MGAT4C: variants seen among roughly 807,000 people sequenced by gnomAD.
MGAT4C encodes the protein MGAT4 family member C, also known as alpha-1,3-mannosyl-glycoprotein 4-beta-N-acetylglucosaminyltransferase C.
A neutral mutation model predicts 40.1 loss-of-function variants in MGAT4C; 19 were observed. That is an observed-to-expected ratio of 0.47 (90% CI 0.33 to 0.70). The LOEUF (loss-of-function observed/expected upper bound fraction) is 0.70. MGAT4C is among the 30% of genes least tolerant of loss of function. MGAT4C has a pLI of 0.02. For synonymous variants in MGAT4C, 181 were observed against 187.1 expected (o/e 0.97, Z 0.27); for missense variants, 491 against 563.2 (o/e 0.87, Z 1.30).
At chr12:86,191,751 G>GGGGTGTGTGTGTGTGTGTGT (rs1555243731) in intron 1 of MGAT4C, among the ~76,000 whole-genome samples, 4 of 98,572 alleles carry the variant, frequency 4.1e-5, no homozygotes, top group African/African-American at 1.5e-4. Context: ...AGGAGATAAA[G>GGGGTGTGTGTGTGTGTGTGT]GTGTGTGTGT....
intron 2 of MGAT4C, among the ~76,000 whole-genome samples, chr12:86,042,511 G>A (rs1410674951): frequency 1.3e-5 from 2 of 152,056 alleles, no homozygotes; most frequent in Non-Finnish European, 2.9e-5. Flanking sequence ...CTGATGCAAG[G>A]AATTCCCATA....
chr12:86,254,723 T>A (rs1952444603), intron 1 of MGAT4C, among the ~76,000 whole-genome samples: 1 of 152,086 alleles, frequency 6.6e-6, no homozygotes, highest in South Asian at 2.1e-4. Flanking sequence ...ACTTAAATTT[T>A]TCTCAGCAAA....
intron 1 of MGAT4C, among the ~76,000 whole-genome samples, chr12:86,743,905 T>C (rs1951112600): frequency 6.6e-6 from 1 of 151,606 alleles, no homozygotes. Flanking sequence ...TGAACGTTGG[T>C]ATCAGCAGGA....
At chr12:86,414,584 C>T (rs1278491999) in intron 3 of MGAT4C, among the ~76,000 whole-genome samples, 3 of 89,402 alleles carry the variant, frequency 3.4e-5, no homozygotes, top group Non-Finnish European at 6.7e-5. Context: ...TGTTTTAAAA[C>T]AATCGTTAGT....
intron 3 of MGAT4C, among the ~76,000 whole-genome samples, chr12:86,410,461 T>C (rs1176388378): frequency 1.3e-5 from 2 of 152,098 alleles, no homozygotes; most frequent in Non-Finnish European, 2.9e-5. Context: ...CTCTCTGCAA[T>C]AAGAAAAAAT....
intron 1 of MGAT4C, among the ~76,000 whole-genome samples, chr12:86,784,669 A>T (rs1951900589): frequency 6.8e-6 from 1 of 146,500 alleles, no homozygotes. Context: ...TAGGTAAAAG[A>T]AAAAAAAAAA....
chr12:86,095,691 T>C (rs1449199621), intron 1 of MGAT4C, among the ~76,000 whole-genome samples: 1 of 151,726 alleles, frequency 6.6e-6, no homozygotes, highest in African/African-American at 2.4e-5. Context: ...AACTTCTTTT[T>C]ACTACTTCTC....
In MGAT4C at chr12:86,582,935, C is replaced by A. The variant is rs1373072768; in HGVS notation, c.-229+144274G>T. Among the ~76,000 whole-genome samples, 3 of 151,064 alleles carry A rather than the reference C, an allele frequency of 2.0e-5. No homozygotes were observed. The Admixed American group carries it at 2.0e-4, about 10-fold the overall frequency. On this transcript the variant is annotated intron_variant, in intron 2 of 7. Transcript: ENST00000548651. ...TATAATTTTCTTACAGTAAAGACTACATAAATAAATAAAACATCACTACTT... is the reference window on the plus strand; with the variant it reads ...TATAATTTTCTTACAGTAAAGACTAAATAAATAAATAAAACATCACTACTT...
intron 1 of MGAT4C, among the ~76,000 whole-genome samples, chr12:86,213,091 G>C (rs1314798779): frequency 6.6e-6 from 1 of 151,960 alleles, no homozygotes; most frequent in African/African-American, 2.4e-5. Context: ...CAACTCAATA[G>C]CTACACTCCT....
chr12:85,992,305 A>G lies in MGAT4C; in HGVS notation c.-6-2753T>C, dbSNP rs1378538987. On this transcript the variant is annotated intron_variant, in intron 2 of 4. Coordinates refer to ENST00000611864, the MANE Select transcript of MGAT4C (RefSeq NM_001351288.2). ...GAGAATGTTGGCTTTGTTTCAATCC[A>G]GTGTCCTTTCATGCATATCTAGCTG... Among the ~76,000 whole-genome samples the G allele has an allele frequency of 2.6e-5, 4 of 152,180 alleles. No homozygotes were observed. The East Asian group carries it at 7.7e-4, about 29-fold the overall frequency.
intron 2 of MGAT4C, among the ~76,000 whole-genome samples, chr12:86,627,626 C>T (rs967807820): frequency 2.0e-5 from 3 of 152,196 alleles, no homozygotes; most frequent in African/African-American, 4.8e-5. Flanking sequence ...CTCCAGCAAA[C>T]TCCAACAGAC....
At chr12:86,213,827 GAA>G (rs1950572369) in intron 1 of MGAT4C, among the ~76,000 whole-genome samples, 2 of 152,192 alleles carry the variant, frequency 1.3e-5, no homozygotes, top group Admixed American at 6.5e-5. Context: ...TGGACACAGA[GAA>G]AGAAAATTTC....
intron 1 of MGAT4C, among the ~76,000 whole-genome samples, chr12:86,204,309 A>C (rs1467503135): frequency 6.6e-6 from 1 of 152,122 alleles, no homozygotes; most frequent in Non-Finnish European, 1.5e-5. Context: ...AATTTAAATA[A>C]ATATTGATGA....
At position 86,509,367 on chromosome 12, in the gene MGAT4C, T is replaced by C. The variant is rs559366956; in HGVS notation, c.-228-74102A>G. On this transcript the variant is annotated intron_variant, in intron 2 of 7. Coordinates refer to the MGAT4C transcript ENST00000548651. The stretch of plus-strand genomic sequence containing the variant: ...CTCAGGTTTGTCAAAGATCAGATAG[T>C]TGTAGATATGCAGCATTATTTCTGA... 1.7e-4 allele frequency among the ~76,000 whole-genome samples: 26 copies of C among 152,296 alleles called. No individual in the cohort carries two copies. In the East Asian group the frequency reaches 4.2e-3, roughly 25 times the overall value.
intron 2 of MGAT4C, among the ~76,000 whole-genome samples, chr12:86,018,508 A>G (rs747813349): frequency 1.3e-4 from 20 of 152,128 alleles, no homozygotes; most frequent in Non-Finnish European, 2.5e-4. Flanking sequence ...AAGGCTGCAT[A>G]TGCCCTCAGG....
At chr12:86,228,964 G>A (rs1465815446) in intron 1 of MGAT4C, among the ~76,000 whole-genome samples, 1 of 151,844 alleles carries the variant, frequency 6.6e-6, no homozygotes, top group Non-Finnish European at 1.5e-5. Context: ...GGCTTCTTAT[G>A]TCTGGAGGGA....
rs1958846674 is a variant in MGAT4C, at chr12:86,524,475, C to G, written c.-228-89210G>C. ...AGCTTCCCTTTCTAGGTGGCCTGACCTTTCTATCTAGCTGCCTTGAACACT... is the reference window on the plus strand; with the variant it reads ...AGCTTCCCTTTCTAGGTGGCCTGACGTTTCTATCTAGCTGCCTTGAACACT... On this transcript the variant is annotated intron_variant, in intron 2 of 7. Transcript: ENST00000548651. Among the ~76,000 whole-genome samples, 3 of 152,164 alleles carry G rather than the reference C, an allele frequency of 2.0e-5. No individual in the cohort carries two copies. In the South Asian group the frequency reaches 6.2e-4, roughly 32 times the overall value.
At position 85,970,574 on chromosome 12, in the gene MGAT4C, G is replaced by A. The variant is rs932577000; in HGVS notation, c.*8715C>T. The A allele has an allele frequency of 2.0e-5, 3 of 151,106 alleles. No individual in the cohort carries two copies. Among genetic ancestry groups the A allele is most frequent in the Non-Finnish European group, 3.0e-5 (2 of 67,344 alleles). 9.4% of individuals were successfully genotyped at this position (151,106 alleles called of 1,614,324 possible). A position where few individuals can be genotyped will look rare whatever the true frequency, so the allele number is the denominator to read the frequency against. On this transcript the variant is annotated 3_prime_UTR_variant, in exon 5 of 5. Coordinates refer to ENST00000611864, the MANE Select transcript of MGAT4C (RefSeq NM_001351288.2). ...GTTTGCATGAAAATAACTCCATCCT[G>A]AGTATACTCATTTCAATAAATTATT...
At chr12:86,725,131 C>T (rs1483990502) in intron 2 of MGAT4C, among the ~76,000 whole-genome samples, 2 of 152,138 alleles carry the variant, frequency 1.3e-5, no homozygotes, top group Non-Finnish European at 2.9e-5. Flanking sequence ...TATGGAATTG[C>T]CTAGCATTTT....
Sources: allele counts gnomAD v4.1 joint callset (sites outside exome capture counted in the v4.1 genomes callset), GRCh38; gene constraint gnomAD v4.1.1; transcripts MANE v1.5; gene names NCBI Gene and HGNC (gene_info 2026-07-23, HGNC 2026-07-21).